Variants in NPFFR2 observed in about 807,000 individuals in gnomAD.
NPFFR2 encodes neuropeptide FF receptor 2.
A neutral mutation model predicts 13.1 loss-of-function variants in NPFFR2; 15 were observed. The ratio of observed to expected loss-of-function variants is 1.15; its 90% CI spans 0.77 to 1.76. The LOEUF (loss-of-function observed/expected upper bound fraction) is 1.76, where lower values mean the gene tolerates loss of function less well. Among genes scored for constraint, NPFFR2 ranks in the 40% most tolerant of loss-of-function variants. The pLI is 0.00. For synonymous variants in NPFFR2, 190 were observed against 175.7 expected (o/e 1.08, Z -0.65); for missense variants, 572 against 503.5 (o/e 1.14, Z -1.30).
intron 1 of NPFFR2, among the ~76,000 whole-genome samples, chr4:72,120,633 C>A (rs1346916751): frequency 6.6e-6 from 1 of 152,178 alleles, no homozygotes; most frequent in African/African-American, 2.4e-5. Context: ...AGTGAACCTC[C>A]AGCAAACTCT....
Position 72,128,826 on chromosome 4 carries a change from G to C in NPFFR2, c.235G>C (p.Val79Leu). The stretch of plus-strand genomic sequence containing the variant: ...AATGAGGAACAAACATATGCACACA[G>C]TCACTAATCTCTTCATCTTAAACCT... ...IVMRNKHMHT[V>L]TNLFILNLAI... is the part of the protein sequence containing the mutation. The change falls in exon 2 of 4, where the codon GTC becomes CTC. Residue 79 changes from valine (V) to leucine (L), a missense_variant. By Grantham distance (32) the Val-to-Leu change is conservative (BLOSUM62 1). Transcript: ENST00000308744. 6.2e-7 allele frequency: 1 copy of C among 1,614,088 alleles called. No individual in the cohort carries two copies. Among genetic ancestry groups the C allele is most frequent in the Non-Finnish European group, 8.5e-7 (1 of 1,179,968 alleles).
In NPFFR2 at chr4:72,146,947, G is replaced by A. The variant is rs773418782; in HGVS notation, c.429-31G>A. ...TGACTTGGTCAGAAGTGATGAAGCA[G>A]TGCCTCATTTATATTTGTGTTTAAT... On this transcript the variant is annotated intron_variant, in intron 3 of 3. Transcript: ENST00000308744. 2.1e-6 allele frequency: 3 copies of A among 1,445,726 alleles called. No homozygotes were observed. The African/African-American group carries it at 4.2e-5, about 20-fold the overall frequency. The allele number at this position is 1,445,726 out of a possible 1,614,324, so 89.6% of individuals were successfully genotyped here. A position where few individuals can be genotyped will look rare whatever the true frequency, so the allele number is the denominator to read the frequency against.
chr4:72,138,758 A>C (rs570576504), intron 3 of NPFFR2, among the ~76,000 whole-genome samples: 6 of 152,106 alleles, frequency 3.9e-5, no homozygotes, highest in Non-Finnish European at 7.4e-5. Context: ...ATGCTTTATA[A>C]TCCTTTGGGT....
intron 1 of NPFFR2, among the ~76,000 whole-genome samples, chr4:72,093,055 A>T (rs940439796): frequency 2.6e-5 from 4 of 152,128 alleles, no homozygotes; most frequent in African/African-American, 4.8e-5. Context: ...AGCATTGTTT[A>T]TCTGAAAAAG....
intron 1 of NPFFR2, among the ~76,000 whole-genome samples, chr4:72,078,566 C>T (rs10023565): frequency 6.6e-6 from 1 of 152,026 alleles, no homozygotes; most frequent in Non-Finnish European, 1.5e-5. Context: ...TCCTCCTAAA[C>T]TTTATGTAGA....
chr4:72,091,052 G>A (rs1419491291), intron 1 of NPFFR2, among the ~76,000 whole-genome samples: 1 of 151,990 alleles, frequency 6.6e-6, no homozygotes, highest in Non-Finnish European at 1.5e-5. Flanking sequence ...ACGGGATGCT[G>A]GATTTTGTCA....
At position 72,076,006 on chromosome 4, in the gene NPFFR2, C is replaced by CACACACACACACAG. The variant is rs746237728; in HGVS notation, c.-8+43807_-8+43808insCACACACACACAGA. Among the ~76,000 whole-genome samples, 69 of 122,818 alleles carry CACACACACACACAG rather than the reference C, an allele frequency of 5.6e-4. 1 individual carries two copies. Among genetic ancestry groups the CACACACACACACAG allele is most frequent in the African/African-American group, 2.5e-3 (65 of 26,238 alleles). 80.6% of individuals were successfully genotyped at this position (122,818 alleles called of 152,430 possible). ...ACACACACACACACACACACACACA[C>CACACACACACACAG]AGAGAGAGAGAGAGGGCAGACAGCA... On this transcript the variant is annotated intron_variant, in intron 1 of 3. Transcript: ENST00000308744.
intron 3 of NPFFR2, among the ~76,000 whole-genome samples, chr4:72,143,513 T>C (rs1327443600): frequency 6.6e-6 from 1 of 152,198 alleles, no homozygotes; most frequent in Non-Finnish European, 1.5e-5. Flanking sequence ...GGATGATGCC[T>C]ACCCACACTG....
chr4:72,047,440 G>C (rs9637554), intron 1 of NPFFR2, among the ~76,000 whole-genome samples: 135,323 of 152,072 alleles, frequency 0.89, 61,355 homozygotes, highest in Non-Finnish European at 0.98. Flanking sequence ...TCCACTCATT[G>C]TGATTCTAGC....
At chr4:72,126,925 G>A (rs1166305003) in intron 1 of NPFFR2, among the ~76,000 whole-genome samples, 1 of 152,116 alleles carries the variant, frequency 6.6e-6, no homozygotes, top group Non-Finnish European at 1.5e-5. Context: ...ATAAATATTA[G>A]TGTGAATGCA....
chr4:72,123,870 C>T (rs1237235108), intron 1 of NPFFR2, among the ~76,000 whole-genome samples: 1 of 152,204 alleles, frequency 6.6e-6, no homozygotes, highest in Admixed American at 6.5e-5. Flanking sequence ...GGGATGACCT[C>T]TCTCACCACT....
At chr4:72,071,633 A>G (rs1720260427) in intron 1 of NPFFR2, among the ~76,000 whole-genome samples, 1 of 152,136 alleles carries the variant, frequency 6.6e-6, no homozygotes, top group African/African-American at 2.4e-5. Context: ...TCTCAGCCAC[A>G]TGACAGGTAG....
chr4:72,050,584 A>G (rs1290233195), intron 1 of NPFFR2, among the ~76,000 whole-genome samples: 1 of 151,980 alleles, frequency 6.6e-6, no homozygotes, highest in Non-Finnish European at 1.5e-5. Flanking sequence ...GGAAAGCAAC[A>G]TGTTTTACCT....
At position 72,063,537 on chromosome 4, in the gene NPFFR2, TG is replaced by T. The variant is rs541766392; in HGVS notation, c.-8+31338del. On this transcript the variant is annotated intron_variant, in intron 1 of 3. Coordinates refer to ENST00000308744, the MANE Select transcript of NPFFR2 (RefSeq NM_004885.3). ...TTACTCTGAGGATAAGTAGGATAAA[TG>T]TTATGAGTAGAAAGCAGAGCAAGGT... Among the ~76,000 whole-genome samples, 488 of 152,302 alleles carry T rather than the reference TG, an allele frequency of 3.2e-3. 1 individual carries two copies. Among genetic ancestry groups the T allele is most frequent in the Middle Eastern group, 0.014 (4 of 294 alleles).
intron 1 of NPFFR2, among the ~76,000 whole-genome samples, chr4:72,061,456 C>T (rs892230960): frequency 6.6e-6 from 1 of 152,168 alleles, no homozygotes; most frequent in African/African-American, 2.4e-5. Context: ...GCCAGATCAC[C>T]TGGGTTCAGA....
intron 1 of NPFFR2, among the ~76,000 whole-genome samples, chr4:72,098,766 C>A (rs35181369): frequency 0.27 from 40,612 of 152,038 alleles, 5,776 homozygotes; most frequent in Middle Eastern, 0.36. Context: ...TGAGTCTTTG[C>A]CTCCAAGAAA....
intron 1 of NPFFR2, among the ~76,000 whole-genome samples, chr4:72,061,771 T>G (rs942639662): frequency 6.6e-6 from 1 of 151,826 alleles, no homozygotes; most frequent in African/African-American, 2.4e-5. Context: ...CATCACACAC[T>G]GGGGCCTGTT....
chr4:72,132,945 T>C (rs1265666217), intron 2 of NPFFR2, among the ~76,000 whole-genome samples: 2 of 152,220 alleles, frequency 1.3e-5, no homozygotes, highest in South Asian at 2.1e-4. Flanking sequence ...GTATGTAGGT[T>C]GTCTCTTTAC....
At chr4:72,068,310 C>T (rs1720133946) in intron 1 of NPFFR2, among the ~76,000 whole-genome samples, 2 of 152,168 alleles carry the variant, frequency 1.3e-5, no homozygotes, top group Non-Finnish European at 2.9e-5. Context: ...CTTGTTGCTG[C>T]ATCCTCTGGA....
Sources: allele counts gnomAD v4.1 joint callset (sites outside exome capture counted in the v4.1 genomes callset), GRCh38; gene constraint gnomAD v4.1.1; transcripts MANE v1.5; gene names NCBI Gene and HGNC (gene_info 2026-07-23, HGNC 2026-07-21).